The following AHRR variants were observed in gnomAD, a reference collection of about 807,000 sequenced individuals.
The protein encoded by AHRR is ahR repressor.
A neutral mutation model predicts 44.0 loss-of-function variants in AHRR; 28 were observed. The observed-to-expected ratio is 0.64, with a 90% CI of 0.47 to 0.87. AHRR has a LOEUF of 0.87. Ranked by LOEUF, AHRR falls within the 40% of genes least tolerant of loss-of-function variation. The pLI is 0.00. For missense variants in AHRR, 990 were observed against 953.9 expected (o/e 1.04, Z -0.50); for synonymous variants, 434 against 407.0 (o/e 1.07, Z -0.80).
intron 4 of AHRR, among the ~76,000 whole-genome samples, chr5:410,713 A>G (rs1053994409): frequency 1.3e-5 from 2 of 152,150 alleles, no homozygotes; most frequent in African/African-American, 4.8e-5. Context: ...TTTTCAATAT[A>G]CCAGTCGTGC....
intron 3 of AHRR, among the ~76,000 whole-genome samples, chr5:355,479 A>G (rs553398539): frequency 7.9e-5 from 12 of 152,048 alleles, no homozygotes; most frequent in Non-Finnish European, 5.9e-5. Flanking sequence ...CGAGCTGAAG[A>G]CCTGTCACAT....
At chr5:339,426 G>A (rs1742256009) in intron 1 of AHRR, among the ~76,000 whole-genome samples, 1 of 152,090 alleles carries the variant, frequency 6.6e-6, no homozygotes, top group South Asian at 2.1e-4. Context: ...CAGCCTTTTT[G>A]GAATTTTCTA....
chr5:360,142 C>T, intron 3 of AHRR, among the ~76,000 whole-genome samples: 1 of 152,004 alleles, frequency 6.6e-6, no homozygotes, highest in East Asian at 1.9e-4. Flanking sequence ...TGGGGGGTGG[C>T]CTGAACTGAT....
intron 5 of AHRR, among the ~76,000 whole-genome samples, chr5:416,351 G>A (rs1294496542): frequency 6.6e-6 from 1 of 152,266 alleles, no homozygotes; most frequent in African/African-American, 2.4e-5. Context: ...CTGCCAGGCT[G>A]TGGCCAGACC....
intron 4 of AHRR, among the ~76,000 whole-genome samples, chr5:398,533 G>T (rs888853004): frequency 6.6e-6 from 1 of 152,214 alleles, no homozygotes; most frequent in Non-Finnish European, 1.5e-5. Context: ...TCTGCCCTCG[G>T]CTCAGCTGGG....
Position 405,350 on chromosome 5 carries a change from C to T in AHRR, c.352-7994C>T, listed in dbSNP as rs899981417. 2.6e-5 allele frequency among the ~76,000 whole-genome samples: 4 copies of T among 152,130 alleles called. No homozygotes were observed. The highest frequency in any genetic ancestry group is 2.1e-4 in the South Asian group (1 of 4,828). On this transcript the variant is annotated intron_variant, in intron 4 of 10. Transcript: ENST00000684583. This position sits in a 1 kb window ranked among gnomAD's most constrained non-coding sequence, Gnocchi z 4.5. ...GGGTCCGTTTCCCTTTCTCTAGAAACGTGGTGGAGTTCAGGGTGATAACGA... is the reference window on the plus strand; with the variant it reads ...GGGTCCGTTTCCCTTTCTCTAGAAATGTGGTGGAGTTCAGGGTGATAACGA...
intron 3 of AHRR, among the ~76,000 whole-genome samples, chr5:359,497 G>C (rs1183924981): frequency 6.6e-6 from 1 of 152,214 alleles, no homozygotes; most frequent in Non-Finnish European, 1.5e-5. Flanking sequence ...GTGTGTTCTT[G>C]TTGCTGTGTA....
Position 436,071 on chromosome 5 carries a change from A to C in AHRR, c.*1237A>C, listed in dbSNP as rs1352561782. On this transcript the variant is annotated 3_prime_UTR_variant, in exon 11 of 11. Coordinates refer to ENST00000684583, the MANE Select transcript of AHRR (RefSeq NM_001377236.1). ...CAGTGAGGCCCTGGGGTGTGGCTGC[A>C]GCTGGGCCCACCTGTGCGGGGGTGG... The C allele has an allele frequency of 1.3e-5, 2 of 152,756 alleles. No homozygotes were observed. Among genetic ancestry groups the C allele is most frequent in the Non-Finnish European group, 2.9e-5 (2 of 68,196 alleles). 9.5% of individuals were successfully genotyped at this position (152,756 alleles called of 1,614,324 possible). A position where few individuals can be genotyped will look rare whatever the true frequency, so the allele number is the denominator to read the frequency against.
chr5:340,661 A>G (rs980849925), intron 1 of AHRR, among the ~76,000 whole-genome samples: 1 of 74,982 alleles, frequency 1.3e-5, no homozygotes, highest in Non-Finnish European at 2.5e-5. Context: ...GTTCACAGCA[A>G]TATTATATAT....
At chr5:402,804 C>A (rs1335348240) in intron 4 of AHRR, among the ~76,000 whole-genome samples, 1 of 152,160 alleles carries the variant, frequency 6.6e-6, no homozygotes, top group African/African-American at 2.4e-5. Flanking sequence ...GCATGTCCAC[C>A]AGTGAATGCA....
intron 2 of AHRR, among the ~76,000 whole-genome samples, chr5:346,220 T>G (rs1307341988): frequency 6.6e-6 from 1 of 152,220 alleles, no homozygotes; most frequent in Non-Finnish European, 1.5e-5. Flanking sequence ...GCATGCACAT[T>G]TTCTAGTTTA....
In AHRR at chr5:422,779, C is replaced by T; in HGVS notation, c.492C>T (p.Arg164=). Reference sequence around the variant, plus strand: ...ATGACTACATCCACGTGGACGACCGCCAGGACTTCTGCCGGCAGCTCCACT... The same window carrying T: ...ATGACTACATCCACGTGGACGACCGTCAGGACTTCTGCCGGCAGCTCCACT... ...NIYDYIHVDD[R]QDFCRQLHWA... is the part of the protein sequence containing the mutation. The change falls in exon 6 of 11, where the codon CGC becomes CGT. Residue 164 remains arginine (R), a synonymous_variant. Transcript: ENST00000684583. 2 of 1,614,168 alleles carry T rather than the reference C, an allele frequency of 1.2e-6. No homozygotes were observed. The highest frequency in any genetic ancestry group is 2.2e-5 in the South Asian group (2 of 91,072).
chr5:380,644 A>G (rs1224710472), intron 4 of AHRR, among the ~76,000 whole-genome samples: 2 of 152,178 alleles, frequency 1.3e-5, no homozygotes, highest in Admixed American at 6.5e-5. Context: ...TAGAAGTACA[A>G]TTTATTTTTC....
At chr5:371,337 A>T (rs11741712) in intron 3 of AHRR, among the ~76,000 whole-genome samples, 13,822 of 152,170 alleles carry the variant, frequency 0.091, 878 homozygotes, top group Non-Finnish European at 0.12. Context: ...GATGTGTGAC[A>T]TCGGTCAGCA....
At position 434,331 on chromosome 5, in the gene AHRR, G is replaced by T. The variant is rs1468932667; in HGVS notation, c.1591G>T (p.Val531Leu). 1 of 1,612,550 alleles carries T rather than the reference G, an allele frequency of 6.2e-7. No homozygotes were observed. Among genetic ancestry groups the T allele is most frequent in the Non-Finnish European group, 8.5e-7 (1 of 1,179,452 alleles). The change falls in exon 11 of 11, where the codon GTG becomes TTG. Residue 531 changes from valine to leucine, a missense_variant. Transcript: ENST00000684583. ...DLCGPTLLLD[V>L]SIKMEKDSGC... ...GTGTGGTCCGACGCTGCTGCTAGAT[G>T]TGTCCATCAAGATGGAGAAGGACTC...
At chr5:371,340 G>A (rs546657862) in intron 3 of AHRR, among the ~76,000 whole-genome samples, 3 of 152,268 alleles carry the variant, frequency 2.0e-5, no homozygotes, top group African/African-American at 7.2e-5. Flanking sequence ...GTGTGACATC[G>A]GTCAGCACAC....
intron 7 of AHRR, 115 bp downstream of exon 7, chr5:424,092 T>G: frequency 2.2e-6 from 3 of 1,365,118 alleles, no homozygotes; most frequent in Non-Finnish European, 2.9e-6. Context: ...ATGTCCCTGG[T>G]GGAGGGACGG....
At chr5:420,645 A>G (rs1253745470) in intron 5 of AHRR, among the ~76,000 whole-genome samples, 1 of 152,194 alleles carries the variant, frequency 6.6e-6, no homozygotes, top group Non-Finnish European at 1.5e-5. Context: ...CCATGTGGAG[A>G]GGATGGAAGG....
intron 3 of AHRR, 45 bp from the exon 4 acceptor site, chr5:376,565 G>GGAAAGATGTGAATGAATAAGA: frequency 6.6e-7 from 1 of 1,516,696 alleles, no homozygotes. Context: ...AGAGTGGCCA[G>GGAAAGATGTGAATGAATAAGA]GCCAAGGGTT....
Sources: gnomAD v4.1 joint callset for allele counts (sites outside exome capture counted in the v4.1 genomes callset) on GRCh38, gnomAD v4.1.1 for gene constraint, Gnocchi (gnomAD v3.1) non-coding constraint, MANE v1.5 for transcripts, NCBI Gene and HGNC (gene_info 2026-07-23, HGNC 2026-07-21) for gene names.